The following MYO10 variants were observed in gnomAD, a reference collection of about 807,000 sequenced individuals.
The protein encoded by MYO10 is myosin X.
In MYO10, 133 loss-of-function variants were observed where a neutral mutation model predicts 257.3. The ratio of observed to expected loss-of-function variants is 0.52; its 90% confidence interval spans 0.45 to 0.60. MYO10 has a LOEUF of 0.60. MYO10 is among the 20% of genes least tolerant of loss of function. MYO10 has a pLI of 0.00. For missense variants in MYO10, 2,399 were observed against 2,635.7 expected, an observed-to-expected ratio of 0.91 and a Z score of 1.97; for synonymous variants, 1,104 against 1,028.6, an observed-to-expected ratio of 1.07 and a Z score of -1.40.
intron 32 of MYO10, among the ~76,000 whole-genome samples, chr5:16,680,570 A>T (rs1391245106): frequency 6.6e-6 from 1 of 152,150 alleles, no homozygotes; most frequent in Non-Finnish European, 1.5e-5. Flanking sequence ...CCGTCACCCA[A>T]ACCTGACGCG....
intron 3 of MYO10, among the ~76,000 whole-genome samples, chr5:16,798,892 A>G (rs1742041932): frequency 6.6e-6 from 1 of 152,092 alleles, no homozygotes; most frequent in Non-Finnish European, 1.5e-5. Context: ...CTCAGTTGCA[A>G]GCAGAGGGTG....
intron 1 of MYO10, among the ~76,000 whole-genome samples, chr5:16,885,260 T>C (rs558382938): frequency 4.0e-4 from 61 of 152,004 alleles, no homozygotes; most frequent in Non-Finnish European, 6.5e-4. Flanking sequence ...ACACAGCCTG[T>C]CCACTGTGCT....
At chr5:16,934,376 AAAGTT>A (rs1157825879) in intron 1 of MYO10, among the ~76,000 whole-genome samples, 2 of 152,236 alleles carry the variant, frequency 1.3e-5, no homozygotes, top group African/African-American at 2.4e-5. Flanking sequence ...CAAAAACAAC[AAAGTT>A]AAGAATCATT....
In MYO10 at chr5:16,766,192, C is replaced by T. The variant is rs1481182274; in HGVS notation, c.1067G>A (p.Gly356Asp). The T allele has an allele frequency of 1.2e-6, 2 of 1,611,874 alleles. No individual in the cohort carries two copies. The highest frequency in any genetic ancestry group is 2.2e-5 in the East Asian group (1 of 44,858). Reference sequence around the variant, plus strand: ...CAGCCCAAGTAACTCCGCAGATCTGCCCAAAGCTGCAGAGAATAAGACAAA... The same window carrying T: ...CAGCCCAAGTAACTCCGCAGATCTGTCCAAAGCTGCAGAGAATAAGACAAA... Reference protein sequence around the residue: ...GAQVSFKTALGRSAELLGLDP... With the variant: ...GAQVSFKTALDRSAELLGLDP... The change falls in exon 11 of 41, where the codon GGC becomes GAC. Residue 356 changes from glycine (G) to aspartate (D), a missense_variant. Coordinates refer to ENST00000513610, the MANE Select transcript of MYO10 (RefSeq NM_012334.3).
intron 19 of MYO10, among the ~76,000 whole-genome samples, chr5:16,746,216 G>A (rs577382324): frequency 5.3e-5 from 8 of 152,268 alleles, no homozygotes; most frequent in African/African-American, 1.4e-4. Flanking sequence ...GTGCTGATGC[G>A]AGTGTCACAG....
Position 16,805,321 on chromosome 5 carries a change from G to T in MYO10, c.280-10488C>A, listed in dbSNP as rs376767941. ...CTACTAAAAATACAAAATTAGCCAG[G>T]CGTGGTGGCGGATGCCTGTAATCCC... On this transcript the variant is annotated intron_variant, in intron 3 of 40. Coordinates refer to ENST00000513610, the MANE Select transcript of MYO10 (RefSeq NM_012334.3). Among the ~76,000 whole-genome samples, 11 of 151,980 alleles carry T rather than the reference G, an allele frequency of 7.2e-5. No individual in the cohort carries two copies. In the South Asian group the frequency reaches 2.3e-3, roughly 32 times the overall value.
rs781336207 is a variant in MYO10, at chr5:16,763,612, G to A, written c.1427+43C>T. ...TAGCTTCAAAACGAATCTAGTTGCT[G>A]CTTTAAAAAAAAAAATTGAAATGGA... On this transcript the variant is annotated intron_variant, in intron 13 of 40. Coordinates refer to ENST00000513610, the MANE Select transcript of MYO10 (RefSeq NM_012334.3). 5 of 1,576,466 alleles carry A rather than the reference G, an allele frequency of 3.2e-6. No homozygotes were observed. In the African/African-American group the frequency reaches 5.4e-5, roughly 17 times the overall value.
At position 16,701,809 on chromosome 5, in the gene MYO10, G is replaced by A. The variant is rs770791315; in HGVS notation, c.2586C>T (p.Leu862=). ...QEEETRKQQE[L]EALQKSQKEA... is the part of the protein sequence containing the mutation. ...CCTTCTGGCTCTTCTGCAAGGCTTCGAGTTCTTGCTGCTTCCTCGTTTCTT... is the reference window on the plus strand; with the variant it reads ...CCTTCTGGCTCTTCTGCAAGGCTTCAAGTTCTTGCTGCTTCCTCGTTTCTT... The change falls in exon 25 of 41, where the codon CTC becomes CTT. Residue 862 remains leucine, a synonymous_variant. Coordinates refer to ENST00000513610, the MANE Select transcript of MYO10 (RefSeq NM_012334.3). This position sits in a 1 kb window ranked among gnomAD's most constrained non-coding sequence, Gnocchi z 8.1. 2.8e-5 allele frequency: 45 copies of A among 1,607,236 alleles called. No homozygotes were observed. Among genetic ancestry groups the A allele is most frequent in the East Asian group, 1.6e-4 (7 of 44,848 alleles).
Position 16,668,457 on chromosome 5 carries a change from A to T in MYO10, c.5895T>A (p.Gly1965=). ...CCAACCAGAGTTCCTGAGGGAAGCC[A>T]CCTTCCTTGCACTGGTGGGCAAGAG... ...STLFDVECKE[G]GFPQELWLGV... Residue 1965 remains glycine, a synonymous_variant, in exon 40 of 41, where the codon GGT becomes GGA. Coordinates refer to ENST00000513610, the MANE Select transcript of MYO10 (RefSeq NM_012334.3). The T allele has an allele frequency of 6.2e-7, 1 of 1,608,678 alleles. No individual in the cohort carries two copies. The highest frequency in any genetic ancestry group is 8.5e-7 in the Non-Finnish European group (1 of 1,177,776).
chr5:16,828,465 C>G (rs1177414345), intron 2 of MYO10, among the ~76,000 whole-genome samples: 1 of 151,892 alleles, frequency 6.6e-6, no homozygotes, highest in East Asian at 1.9e-4. Context: ...CTAAAAATAA[C>G]AAAAGTTAGC....
chr5:16,827,294 T>C (rs572569047), intron 2 of MYO10, among the ~76,000 whole-genome samples: 1 of 152,326 alleles, frequency 6.6e-6, no homozygotes, highest in East Asian at 1.9e-4. Flanking sequence ...TATCTTTTTT[T>C]GTTTTTTTGG....
At chr5:16,758,545 C>T (rs1024028150) in intron 17 of MYO10, among the ~76,000 whole-genome samples, 2 of 152,192 alleles carry the variant, frequency 1.3e-5, no homozygotes, top group Admixed American at 1.3e-4. Context: ...GGTCTCCTCA[C>T]TTGCAAAAGT....
chr5:16,669,080 G>A (rs973406271), intron 39 of MYO10, among the ~76,000 whole-genome samples: 4 of 152,040 alleles, frequency 2.6e-5, no homozygotes, highest in Non-Finnish European at 5.9e-5. Flanking sequence ...CATATGAAGG[G>A]GCTAACAACA....
intron 2 of MYO10, among the ~76,000 whole-genome samples, chr5:16,825,869 G>T (rs1052612742): frequency 2.6e-5 from 4 of 151,956 alleles, no homozygotes; most frequent in Non-Finnish European, 5.9e-5. Context: ...ACCAGGCCGG[G>T]CACGGTGGCT....
In MYO10 at chr5:16,666,875, C is replaced by A. The variant is rs904163534; in HGVS notation, c.6076-82G>T. On this transcript the variant is annotated intron_variant, in intron 40 of 40. Transcript: ENST00000513610. ...CCCTGCCTAATAATCCAGACATTCC[C>A]TGGGCACCCTCCCGTAGCCTTCCAT... 24 of 1,134,356 alleles carry A rather than the reference C, an allele frequency of 2.1e-5. No individual in the cohort carries two copies. The Middle Eastern group carries it at 5.9e-4, about 28-fold the overall frequency. 70.3% of individuals were successfully genotyped at this position (1,134,356 alleles called of 1,614,324 possible). A position where few individuals can be genotyped will look rare whatever the true frequency, so the allele number is the denominator to read the frequency against.
chr5:16,678,894 C>T (rs1358249933), intron 33 of MYO10, among the ~76,000 whole-genome samples: 1 of 152,188 alleles, frequency 6.6e-6, no homozygotes, highest in Admixed American at 6.5e-5. Context: ...GGCCAGCAGT[C>T]TCCCTTGACT....
rs3849109 is a variant in MYO10, at chr5:16,710,540, G to C, written c.2169+368C>G. 2.7e-5 allele frequency: 5 copies of C among 186,944 alleles called. No individual in the cohort carries two copies. The South Asian group carries it at 7.2e-4, about 27-fold the overall frequency. The allele number at this position is 186,944 out of a possible 1,614,324, so 11.6% of individuals were successfully genotyped here. The stretch of plus-strand genomic sequence containing the variant: ...GGGATAAAAGCCAGTATTTGAATTA[G>C]AGAAAGTTAGAAGGGTCTTGGGGTA... On this transcript the variant is annotated intron_variant, in intron 21 of 40. Transcript: ENST00000513610.
At chr5:16,808,215 C>A (rs956445799) in intron 3 of MYO10, among the ~76,000 whole-genome samples, 1 of 152,306 alleles carries the variant, frequency 6.6e-6, no homozygotes. Context: ...GTAATCCCAG[C>A]ACTTTAGGAA....
At chr5:16,822,681 T>A (rs1003167016) in intron 2 of MYO10, among the ~76,000 whole-genome samples, 2 of 109,924 alleles carry the variant, frequency 1.8e-5, no homozygotes, top group Non-Finnish European at 3.5e-5. Flanking sequence ...TTCTTTTTTA[T>A]TTATTTTTAT....
Sources: allele counts gnomAD v4.1 joint callset (sites outside exome capture counted in the v4.1 genomes callset), GRCh38; gene constraint gnomAD v4.1.1; non-coding constraint Gnocchi (gnomAD v3.1); transcripts MANE v1.5; gene names NCBI Gene and HGNC (gene_info 2026-07-23, HGNC 2026-07-21).